NBEA: variants seen among roughly 807,000 people sequenced by gnomAD.
NBEA encodes neurobeachin.
Under a neutral mutation model 343.4 loss-of-function variants are expected in NBEA, and 44 were observed. That is an observed-to-expected ratio of 0.13 (90% CI 0.10 to 0.16). The LOEUF is 0.16. Among genes scored for constraint, NBEA ranks in the 10% least tolerant of loss-of-function variants. The probability of loss-of-function intolerance (pLI) is 1.00; values close to 1 mark genes in which losing one functional copy is unlikely to be tolerated. For missense variants in NBEA, 2,555 were observed against 3,631.3 expected, an observed-to-expected ratio of 0.70 and a Z score of 7.62; for synonymous variants, 1,175 against 1,238.7, an observed-to-expected ratio of 0.95 and a Z score of 1.08.
At chr13:35,006,482 C>G (rs1169221162) in intron 1 of NBEA, among the ~76,000 whole-genome samples, 1 of 151,808 alleles carries the variant, frequency 6.6e-6, no homozygotes, top group East Asian at 2.0e-4. Context: ...CTCTTCTGGA[C>G]ATCATTGTTA....
At chr13:35,203,492 A>G (rs562659407) in intron 31 of NBEA, among the ~76,000 whole-genome samples, 2 of 152,194 alleles carry the variant, frequency 1.3e-5, no homozygotes, top group African/African-American at 4.8e-5. Flanking sequence ...CTGATATACT[A>G]TATTTACTCA....
At chr13:35,222,373 A>T (rs2074417080) in intron 33 of NBEA, among the ~76,000 whole-genome samples, 1 of 151,784 alleles carries the variant, frequency 6.6e-6, no homozygotes, top group Non-Finnish European at 1.5e-5. Context: ...CTGCTTTTTA[A>T]AAAAATCAAA....
At chr13:34,987,555 G>A (rs1044301115) in intron 1 of NBEA, among the ~76,000 whole-genome samples, 1 of 150,742 alleles carries the variant, frequency 6.6e-6, no homozygotes, top group African/African-American at 2.4e-5. Context: ...TGCTGGGTTG[G>A]GGAAGTTCTC....
At chr13:35,471,883 T>A (rs1250548144) in intron 40 of NBEA, among the ~76,000 whole-genome samples, 1 of 150,376 alleles carries the variant, frequency 6.6e-6, no homozygotes, top group Non-Finnish European at 1.5e-5. Flanking sequence ...CGATATTAGA[T>A]TAATCTTCCT....
At chr13:34,961,705 A>G (rs895021298) in intron 1 of NBEA, among the ~76,000 whole-genome samples, 7 of 152,068 alleles carry the variant, frequency 4.6e-5, no homozygotes, top group African/African-American at 1.7e-4. Flanking sequence ...GAGATGTGTA[A>G]ATTCTATCAT....
intron 34 of NBEA, among the ~76,000 whole-genome samples, chr13:35,282,620 C>T (rs1048193535): frequency 1.2e-4 from 18 of 152,092 alleles, no homozygotes; most frequent in African/African-American, 3.6e-4. Flanking sequence ...TTATTTCATC[C>T]GTACTCATTG....
At chr13:35,277,224 G>A (rs935869508) in intron 34 of NBEA, among the ~76,000 whole-genome samples, 1 of 152,024 alleles carries the variant, frequency 6.6e-6, no homozygotes, top group Non-Finnish European at 1.5e-5. Flanking sequence ...AAAAACCAAG[G>A]TGGATGACAT....
chr13:35,581,339 T>C (rs1332530164), intron 45 of NBEA, among the ~76,000 whole-genome samples: 3 of 152,092 alleles, frequency 2.0e-5, no homozygotes, highest in Non-Finnish European at 4.4e-5. Context: ...TGGTATCTCA[T>C]TGCGGTTTTG....
chr13:35,432,192 T>C, intron 38 of NBEA, 77 bp from the exon 39 acceptor site: 1 of 1,296,072 alleles, frequency 7.7e-7, no homozygotes, highest in South Asian at 1.8e-5. Flanking sequence ...ACAAAATAAC[T>C]TCAATTTTAT....
At chr13:35,301,369 T>C (rs2036532780) in intron 35 of NBEA, among the ~76,000 whole-genome samples, 1 of 151,820 alleles carries the variant, frequency 6.6e-6, no homozygotes, top group Admixed American at 6.6e-5. Flanking sequence ...CCCCAGTGTG[T>C]GATGTTCCCC....
rs560580469 is a variant in NBEA, at chr13:34,980,519, C to T, written c.294+37405C>T. Among the ~76,000 whole-genome samples the T allele has an allele frequency of 4.0e-5, 6 of 151,094 alleles. No homozygotes were observed. The East Asian group carries it at 1.2e-3, about 29-fold the overall frequency. ...TGCTATGGTTGGAATGATGGTGTTC[C>T]TCCAATGTATGTTGAAACTTAATCC... On this transcript the variant is annotated intron_variant, in intron 1 of 58. Coordinates refer to ENST00000379939, the MANE Select transcript of NBEA (RefSeq NM_001385012.1).
Position 35,631,586 on chromosome 13 carries a change from A to T in NBEA, c.7617+3338A>T, listed in dbSNP as rs542883446. Among the ~76,000 whole-genome samples the T allele has an allele frequency of 1.3e-3, 200 of 151,124 alleles. 1 individual carries two copies. The highest frequency in any genetic ancestry group is 0.01 in the Middle Eastern group (3 of 290). On this transcript the variant is annotated intron_variant, in intron 49 of 58. Coordinates refer to ENST00000379939, the MANE Select transcript of NBEA (RefSeq NM_001385012.1). ...TTTTTTCATGCTTAAATTAAACACT[A>T]ATTTAAAAAGAGAAATATTTAATAT...
At chr13:35,284,431 A>AATTT (rs1157139696) in intron 34 of NBEA, among the ~76,000 whole-genome samples, 1 of 152,130 alleles carries the variant, frequency 6.6e-6, no homozygotes, top group Non-Finnish European at 1.5e-5. Flanking sequence ...TATTTAAATA[A>AATTT]ACTTTTTTAG....
chr13:35,561,971 T>C (rs2079876858), intron 44 of NBEA, among the ~76,000 whole-genome samples: 1 of 152,126 alleles, frequency 6.6e-6, no homozygotes, highest in African/African-American at 2.4e-5. Flanking sequence ...AATGGTAATT[T>C]TAAAAATTAA....
At chr13:35,585,990 C>T (rs954713014) in intron 46 of NBEA, among the ~76,000 whole-genome samples, 1 of 152,130 alleles carries the variant, frequency 6.6e-6, no homozygotes, top group African/African-American at 2.4e-5. Context: ...TTGCCTTCTC[C>T]ATTCTGGTCT....
chr13:35,019,070 G>A (rs1300074245), intron 1 of NBEA, among the ~76,000 whole-genome samples: 1 of 150,492 alleles, frequency 6.6e-6, no homozygotes, highest in Non-Finnish European at 1.5e-5. Flanking sequence ...TTTTATTGAT[G>A]AGCAAATCTT....
intron 18 of NBEA, among the ~76,000 whole-genome samples, chr13:35,145,336 A>G (rs1321826466): frequency 6.6e-6 from 1 of 152,128 alleles, no homozygotes; most frequent in Non-Finnish European, 1.5e-5. Context: ...TGTTCGATGG[A>G]CATGGTGTAG....
intron 1 of NBEA, among the ~76,000 whole-genome samples, chr13:34,960,124 A>G (rs1013636495): frequency 6.6e-6 from 1 of 152,132 alleles, no homozygotes; most frequent in East Asian, 1.9e-4. Context: ...TCAGTGGGAC[A>G]TGATGTGGCG....
chr13:35,542,162 C>A (rs948919523), intron 41 of NBEA, among the ~76,000 whole-genome samples: 1 of 145,364 alleles, frequency 6.9e-6, no homozygotes, highest in Non-Finnish European at 1.5e-5. Flanking sequence ...ACCCCCCCCC[C>A]ACCGCATACC....
Sources: gnomAD v4.1 joint callset for allele counts (sites outside exome capture counted in the v4.1 genomes callset) on GRCh38, gnomAD v4.1.1 for gene constraint, MANE v1.5 for transcripts, NCBI Gene and HGNC (gene_info 2026-07-23, HGNC 2026-07-21) for gene names.